ARNT2: variants seen among roughly 807,000 people sequenced by gnomAD.
The protein encoded by ARNT2 is aryl hydrocarbon receptor nuclear translocator 2.
In ARNT2, 36 loss-of-function variants were observed where a neutral mutation model predicts 91.7. That is an observed-to-expected ratio of 0.39 (90% CI 0.30 to 0.52). ARNT2 has a LOEUF of 0.52. Among genes scored for constraint, ARNT2 ranks in the 20% least tolerant of loss-of-function variants. The probability of loss-of-function intolerance (pLI) is 0.72; values close to 1 mark genes in which losing one functional copy is unlikely to be tolerated. For synonymous variants in ARNT2, 365 were observed against 347.1 expected (o/e 1.05, Z -0.57); for missense variants, 775 against 939.3 (o/e 0.83, Z 2.29).
chr15:80,576,331 C>CAGTG (rs1898674030), intron 14 of ARNT2, among the ~76,000 whole-genome samples: 1 of 151,930 alleles, frequency 6.6e-6, no homozygotes, highest in Non-Finnish European at 1.5e-5. Context: ...GGCTGGAGTG[C>CAGTG]AGTGGCGTGA....
At chr15:80,518,824 G>A (rs1349156796) in intron 8 of ARNT2, among the ~76,000 whole-genome samples, 1 of 152,138 alleles carries the variant, frequency 6.6e-6, no homozygotes, top group Non-Finnish European at 1.5e-5. Flanking sequence ...GGTGAGATAA[G>A]GTTCTGGTAA....
intron 1 of ARNT2, among the ~76,000 whole-genome samples, chr15:80,450,513 G>C (rs910129238): frequency 2.0e-5 from 3 of 152,230 alleles, no homozygotes; most frequent in African/African-American, 7.2e-5. Context: ...CCAGGAGTTG[G>C]TTCTTTCCCT....
At chr15:80,531,665 C>T (rs1419441994) in intron 8 of ARNT2, among the ~76,000 whole-genome samples, 1 of 152,172 alleles carries the variant, frequency 6.6e-6, no homozygotes, top group Admixed American at 6.5e-5. Flanking sequence ...GTTCTGTTTT[C>T]CCCACTAACC....
intron 1 of ARNT2, among the ~76,000 whole-genome samples, chr15:80,419,699 G>A (rs996861915): frequency 2.6e-5 from 4 of 152,116 alleles, no homozygotes; most frequent in Non-Finnish European, 5.9e-5. Context: ...TATCTATAAC[G>A]TGAATGGTTG....
At chr15:80,429,935 T>C (rs1340435283) in intron 1 of ARNT2, among the ~76,000 whole-genome samples, 1 of 152,162 alleles carries the variant, frequency 6.6e-6, no homozygotes, top group Non-Finnish European at 1.5e-5. Context: ...CAGGTACCTC[T>C]TTCTTCCTCC....
At chr15:80,550,927 G>A (rs1490889217) in intron 8 of ARNT2, among the ~76,000 whole-genome samples, 1 of 152,260 alleles carries the variant, frequency 6.6e-6, no homozygotes, top group Non-Finnish European at 1.5e-5. Context: ...TTGTACAAGT[G>A]TACAGAATAA....
At position 80,404,752 on chromosome 15, in the gene ARNT2, C is replaced by G. The variant is rs1895573042; in HGVS notation, c.31+206C>G. 2.0e-5 allele frequency among the ~76,000 whole-genome samples: 3 copies of G among 152,046 alleles called. No individual in the cohort carries two copies. The South Asian group carries it at 6.2e-4, about 31-fold the overall frequency. Reference sequence around the variant, plus strand: ...CAATCGCTGCCCATCCGGTCCCGGGCAGGCGCCGGTCCGGACCCGCGGGCG... The same window carrying G: ...CAATCGCTGCCCATCCGGTCCCGGGGAGGCGCCGGTCCGGACCCGCGGGCG... On this transcript the variant is annotated intron_variant, in intron 1 of 18. Coordinates refer to ENST00000303329, the MANE Select transcript of ARNT2 (RefSeq NM_014862.4). This position sits in a 1 kb window ranked among gnomAD's most constrained non-coding sequence, Gnocchi z 5.5.
At chr15:80,505,927 G>GTTTTTTCTTTT (rs1897267265) in intron 5 of ARNT2, among the ~76,000 whole-genome samples, 1 of 88,930 alleles carries the variant, frequency 1.1e-5, no homozygotes, top group African/African-American at 4.3e-5. Context: ...AACATTTGTT[G>GTTTTTTCTTTT]TTTTTTTTTT....
At position 80,595,415 on chromosome 15, in the gene ARNT2, GGAACCTGAGAGTGGAGT is replaced by G. The variant is rs2141492433; in HGVS notation, c.*1720_*1736del. The G allele has an allele frequency of 6.6e-6, 1 of 152,352 alleles. No individual in the cohort carries two copies. Among genetic ancestry groups the G allele is most frequent in the East Asian group, 1.9e-4 (1 of 5,164 alleles). 9.4% of individuals were successfully genotyped at this position (152,352 alleles called of 1,614,324 possible). A position where few individuals can be genotyped will look rare whatever the true frequency, so the allele number is the denominator to read the frequency against. ...ACCTAGAAGAGTGGCATTGGTTCTA[GGAACCTGAGAGTGGAGT>G]GAGGCCAGCATGCAGGAAGGAGTTT... On this transcript the variant is annotated 3_prime_UTR_variant, in exon 19 of 19. Transcript: ENST00000303329.
chr15:80,573,210 AGGT>A (rs1898614400), intron 12 of ARNT2, among the ~76,000 whole-genome samples: 1 of 152,250 alleles, frequency 6.6e-6, no homozygotes, highest in Admixed American at 6.5e-5. Flanking sequence ...TATACTTCAA[AGGT>A]GTTTTAATTT....
intron 8 of ARNT2, among the ~76,000 whole-genome samples, chr15:80,528,687 TA>T (rs1897685296): frequency 6.6e-6 from 1 of 152,092 alleles, no homozygotes; most frequent in African/African-American, 2.4e-5. Context: ...AGTTGGTTGT[TA>T]AAAAACCTGT....
intron 3 of ARNT2, among the ~76,000 whole-genome samples, chr15:80,459,853 C>T (rs577780153): frequency 1.5e-4 from 23 of 152,296 alleles, no homozygotes; most frequent in African/African-American, 5.1e-4. Context: ...TTTGTAGGAC[C>T]GCAGAGGCCC....
chr15:80,559,138 A>G (rs1898264851), intron 11 of ARNT2, among the ~76,000 whole-genome samples: 1 of 152,184 alleles, frequency 6.6e-6, no homozygotes, highest in Admixed American at 6.5e-5. Context: ...TCTCCATCCA[A>G]CAGCACATCC....
chr15:80,592,564 C>T (rs887591776), intron 18 of ARNT2, among the ~76,000 whole-genome samples: 2 of 152,198 alleles, frequency 1.3e-5, no homozygotes, highest in Non-Finnish European at 2.9e-5. Context: ...CTCCATATAC[C>T]CCACCCTCAT....
chr15:80,433,496 G>A (rs1300093395), intron 1 of ARNT2, among the ~76,000 whole-genome samples: 1 of 151,934 alleles, frequency 6.6e-6, no homozygotes, highest in Non-Finnish European at 1.5e-5. Flanking sequence ...ATGTTGTCCA[G>A]ACTGGACTTG....
intron 8 of ARNT2, among the ~76,000 whole-genome samples, chr15:80,514,986 G>A (rs1897410089): frequency 6.6e-6 from 1 of 152,184 alleles, no homozygotes; most frequent in Non-Finnish European, 1.5e-5. Context: ...GTCACCCAGA[G>A]CATTCTATAA....
intron 15 of ARNT2, among the ~76,000 whole-genome samples, chr15:80,578,285 G>A (rs1321112227): frequency 6.6e-6 from 1 of 152,152 alleles, no homozygotes; most frequent in Non-Finnish European, 1.5e-5. Flanking sequence ...AGGCCTGAAA[G>A]CAAAAGTCAG....
In ARNT2 at chr15:80,591,731, G is replaced by T. The variant is rs774313626; in HGVS notation, c.2055+27G>T. On this transcript the variant is annotated intron_variant, in intron 18 of 18. Transcript: ENST00000303329. The surrounding 1 kb of genome is among the most constrained non-coding windows in gnomAD (Gnocchi z 5.1). ...TAAATCGAGCGAGCACCGCCTTCTCGTAGGTACCGGCGCCTTCTCTCTGCT... is the reference window on the plus strand; with the variant it reads ...TAAATCGAGCGAGCACCGCCTTCTCTTAGGTACCGGCGCCTTCTCTCTGCT... 6.2e-6 allele frequency: 10 copies of T among 1,613,058 alleles called. No individual in the cohort carries two copies. The highest frequency in any genetic ancestry group is 8.5e-6 in the Non-Finnish European group (10 of 1,179,186).
chr15:80,510,596 C>T (rs529181902), intron 6 of ARNT2, among the ~76,000 whole-genome samples: 1 of 61,654 alleles, frequency 1.6e-5, no homozygotes, highest in African/African-American at 5.7e-5. Context: ...TTTGGGAGGC[C>T]AAGGCGGGCA....
Sources: gnomAD v4.1 joint callset for allele counts (sites outside exome capture counted in the v4.1 genomes callset) on GRCh38, gnomAD v4.1.1 for gene constraint, Gnocchi (gnomAD v3.1) non-coding constraint, MANE v1.5 for transcripts, NCBI Gene and HGNC (gene_info 2026-07-23, HGNC 2026-07-21) for gene names.